The following USP8 variants were observed in gnomAD, a reference collection of about 807,000 sequenced individuals.
The protein encoded by USP8 is ubiquitin carboxyl-terminal hydrolase 8.
A neutral mutation model predicts 130.0 loss-of-function variants in USP8; 27 were observed. That is an observed-to-expected ratio of 0.21 (90% CI 0.15 to 0.29). The LOEUF (loss-of-function observed/expected upper bound fraction) is 0.29, where lower values mean the gene tolerates loss of function less well. Ranked by LOEUF, USP8 falls within the 10% of genes least tolerant of loss-of-function variation. The pLI is 1.00. For synonymous variants in USP8, 392 were observed against 444.1 expected (o/e 0.88, Z 1.48); for missense variants, 1,029 against 1,312.2 (o/e 0.78, Z 3.33).
chr15:50,452,927 A>G (rs961381735), intron 4 of USP8, among the ~76,000 whole-genome samples: 1 of 152,226 alleles, frequency 6.6e-6, no homozygotes, highest in African/African-American at 2.4e-5. Flanking sequence ...TGCATTGAGG[A>G]GGCAAGGTAA....
At chr15:50,428,888 A>T (rs2049832824) in intron 1 of USP8, among the ~76,000 whole-genome samples, 1 of 152,210 alleles carries the variant, frequency 6.6e-6, no homozygotes, top group Non-Finnish European at 1.5e-5. Context: ...TGAAGCCATG[A>T]TTAAGTAAAA....
chr15:50,492,592 A>G, intron 14 of USP8, 109 bp from the exon 15 acceptor site: 1 of 1,056,526 alleles, frequency 9.5e-7, no homozygotes. Flanking sequence ...TTAACTGTTT[A>G]CAAGATGCCT....
rs1566903111 is a variant in USP8, at chr15:50,510,760, GT to G, written c.*11673del. On this transcript the variant is annotated 3_prime_UTR_variant, in exon 20 of 20. Transcript: ENST00000307179. ...GAATCTAGCTGAAATGTACACCAAT[GT>G]ACACCAATGTTTTGTTTTTTGGTTT... is the stretch of plus-strand genomic sequence containing the variant. 6.6e-6 allele frequency: 1 copy of G among 151,984 alleles called. No individual in the cohort carries two copies. Among genetic ancestry groups the G allele is most frequent in the Non-Finnish European group, 1.5e-5 (1 of 67,996 alleles). The allele number at this position is 151,984 out of a possible 1,614,324, so 9.4% of individuals were successfully genotyped here. A position where few individuals can be genotyped will look rare whatever the true frequency, so the allele number is the denominator to read the frequency against.
At chr15:50,476,509 A>G (rs527944382) in intron 8 of USP8, among the ~76,000 whole-genome samples, 6 of 152,352 alleles carry the variant, frequency 3.9e-5, no homozygotes, top group African/African-American at 1.2e-4. Flanking sequence ...GTTCATAGAA[A>G]AGCAACATCA....
intron 4 of USP8, among the ~76,000 whole-genome samples, chr15:50,458,044 T>G (rs1485352349): frequency 6.6e-6 from 1 of 152,214 alleles, no homozygotes; most frequent in East Asian, 1.9e-4. Context: ...TCTTTAAATT[T>G]GAAGCTCACA....
At chr15:50,496,122 T>G (rs899034590) in intron 17 of USP8, 38 bp downstream of exon 17, 2 of 1,491,470 alleles carry the variant, frequency 1.3e-6, no homozygotes, top group African/African-American at 1.4e-5. Context: ...ATTTATTGGA[T>G]AAAAATGCTG....
At chr15:50,469,330 G>C (rs957877205) in intron 7 of USP8, among the ~76,000 whole-genome samples, 2 of 152,074 alleles carry the variant, frequency 1.3e-5, no homozygotes, top group African/African-American at 4.8e-5. Flanking sequence ...AAGTAGAGCA[G>C]AGTTGGAGCA....
intron 12 of USP8, 58 bp downstream of exon 12, chr15:50,484,419 A>G (rs1357644903): frequency 6.0e-6 from 8 of 1,330,948 alleles, no homozygotes; most frequent in Non-Finnish European, 6.4e-6. Flanking sequence ...GATTATAACT[A>G]TGTGATTATC....
chr15:50,434,807 A>G (rs1359464121), intron 1 of USP8, among the ~76,000 whole-genome samples: 2 of 151,996 alleles, frequency 1.3e-5, no homozygotes, highest in African/African-American at 2.4e-5. Context: ...TTTAATAGAG[A>G]TGAGGTTTCA....
At chr15:50,485,077 G>T (rs2051907058) in intron 12 of USP8, among the ~76,000 whole-genome samples, 1 of 152,136 alleles carries the variant, frequency 6.6e-6, no homozygotes. Flanking sequence ...AATATACTTA[G>T]TATCACTAAC....
At chr15:50,475,241 A>T (rs1252624808) in intron 8 of USP8, among the ~76,000 whole-genome samples, 1 of 152,228 alleles carries the variant, frequency 6.6e-6, no homozygotes, top group Non-Finnish European at 1.5e-5. Flanking sequence ...TACTAAAAAA[A>T]TTGCAAATAA....
intron 10 of USP8, 115 bp from the exon 11 acceptor site, chr15:50,481,365 GC>G (rs2051761675): frequency 1.5e-6 from 1 of 684,632 alleles, no homozygotes; most frequent in African/African-American, 1.9e-5. Flanking sequence ...AAATAGATGT[GC>G]TGATAGATGT....
rs1240066556 is a variant in USP8, at chr15:50,507,471, T to C, written c.*8383T>C. On this transcript the variant is annotated 3_prime_UTR_variant, in exon 20 of 20. Coordinates refer to ENST00000307179, the MANE Select transcript of USP8 (RefSeq NM_005154.5). ...AGATATGACCAAGAGAAAGCTGAAG[T>C]AGCTATACATCAGCTAAAATGGTCC... The C allele has an allele frequency of 6.6e-6, 1 of 152,160 alleles. No homozygotes were observed. Among genetic ancestry groups the C allele is most frequent in the Non-Finnish European group, 1.5e-5 (1 of 68,008 alleles). 9.4% of individuals were successfully genotyped at this position (152,160 alleles called of 1,614,324 possible). A position where few individuals can be genotyped will look rare whatever the true frequency, so the allele number is the denominator to read the frequency against.
intron 4 of USP8, among the ~76,000 whole-genome samples, chr15:50,450,579 C>T (rs1194229751): frequency 1.4e-5 from 2 of 145,788 alleles, no homozygotes; most frequent in African/African-American, 5.0e-5. Flanking sequence ...TCAAGTCATT[C>T]TCCTGCCTCA....
rs139923675 is a variant in USP8 at position 50,447,124 on chromosome 15, TATA to T, written c.250-2269_250-2267del. 6.4e-3 allele frequency among the ~76,000 whole-genome samples: 969 copies of T among 152,346 alleles called. 13 individuals are homozygous for T. The highest frequency in any genetic ancestry group is 0.022 in the African/African-American group (933 of 41,568). On this transcript the variant is annotated intron_variant, in intron 3 of 19. Transcript: ENST00000307179. The stretch of plus-strand genomic sequence containing the variant: ...TCAGGTCCAGTTTTTCTAAGTTATT[TATA>T]ATAATATTTGTAAATGTCTGGCAGT...
At position 50,505,563 on chromosome 15, in the gene USP8, TAGAC is replaced by T. The variant is rs1326914556; in HGVS notation, c.*6478_*6481del. 2 of 152,098 alleles carry T rather than the reference TAGAC, an allele frequency of 1.3e-5. No homozygotes were observed. The highest frequency in any genetic ancestry group is 2.9e-5 in the Non-Finnish European group (2 of 68,012). The allele number at this position is 152,098 out of a possible 1,614,324, so 9.4% of individuals were successfully genotyped here. A position where few individuals can be genotyped will look rare whatever the true frequency, so the allele number is the denominator to read the frequency against. On this transcript the variant is annotated 3_prime_UTR_variant, in exon 20 of 20. Coordinates refer to ENST00000307179, the MANE Select transcript of USP8 (RefSeq NM_005154.5). ...CAATGAAGGAAGAAGTGATACATAA[TAGAC>T]AGTGATTAACAAAAAAGACTGATGA...
intron 7 of USP8, chr15:50,467,150 G>T: frequency 3.8e-6 from 1 of 265,590 alleles, no homozygotes; most frequent in Non-Finnish European, 7.2e-6. Flanking sequence ...ATATATATTA[G>T]AGTACTCAGT....
rs1596001541 is a variant in USP8, at chr15:50,502,113, T to C, written c.*3025T>C. 1 of 152,300 alleles carries C rather than the reference T, an allele frequency of 6.6e-6. No homozygotes were observed. Among genetic ancestry groups the C allele is most frequent in the African/African-American group, 2.4e-5 (1 of 41,556 alleles). The allele number at this position is 152,300 out of a possible 1,614,324, so 9.4% of individuals were successfully genotyped here. ...AGAAAATTGATTATTTGTTAACTTA[T>C]TTTTAATTTTTTGAGATGGAGTCTC... On this transcript the variant is annotated 3_prime_UTR_variant, in exon 20 of 20. Coordinates refer to ENST00000307179, the MANE Select transcript of USP8 (RefSeq NM_005154.5).
intron 2 of USP8, 142 bp downstream of exon 2, chr15:50,439,319 G>A: frequency 1.8e-6 from 1 of 559,684 alleles, no homozygotes; most frequent in Non-Finnish European, 3.1e-6. Context: ...AGAGAAAGTT[G>A]TAATGTAATC....
Sources: gnomAD v4.1 joint callset for allele counts (sites outside exome capture counted in the v4.1 genomes callset) on GRCh38, gnomAD v4.1.1 for gene constraint, MANE v1.5 for transcripts, NCBI Gene and HGNC (gene_info 2026-07-23, HGNC 2026-07-21) for gene names.